Variants in DACH2 observed in about 807,000 individuals in gnomAD.
DACH2 encodes the protein dachshund family transcription factor 2.
DACH2 carries 17 observed loss-of-function variants against 35.8 expected under a neutral mutation model. That is an observed-to-expected ratio of 0.48 (90% CI 0.33 to 0.71). DACH2 has a LOEUF of 0.71. Among genes scored for constraint, DACH2 ranks in the 30% least tolerant of loss-of-function variants. The probability of loss-of-function intolerance (pLI) is 0.02; values close to 1 mark genes in which losing one functional copy is unlikely to be tolerated. For missense variants in DACH2, 469 were observed against 472.7 expected, an observed-to-expected ratio of 0.99 and a Z score of 0.07; for synonymous variants, 195 against 177.3, an observed-to-expected ratio of 1.10 and a Z score of -0.79.
intron 1 of DACH2, among the ~76,000 whole-genome samples, chrX:86,251,432 C>A (rs867954493): frequency 1.8e-5 from 2 of 110,248 alleles, no homozygotes; most frequent in African/African-American, 3.3e-5. Flanking sequence ...TTTTGGTGCA[C>A]CCATCACCCA....
At chrX:86,411,860 G>GT (rs905793786) in intron 2 of DACH2, among the ~76,000 whole-genome samples, 4 of 110,405 alleles carry the variant, frequency 3.6e-5, no homozygotes, top group South Asian at 3.9e-4. Flanking sequence ...AGCAGGTTGT[G>GT]TTTTTTTTCC....
intron 7 of DACH2, among the ~76,000 whole-genome samples, chrX:86,755,615 T>G (rs1486202998): frequency 3.4e-5 from 3 of 86,989 alleles, no homozygotes; most frequent in Non-Finnish European, 4.8e-5. Context: ...TTTTTTTTTT[T>G]GATACAGAGT....
intron 2 of DACH2, among the ~76,000 whole-genome samples, chrX:86,422,509 G>C (rs773812123): frequency 2.7e-5 from 3 of 110,089 alleles, no homozygotes; most frequent in Admixed American, 9.7e-5. Flanking sequence ...TAGTATGAAT[G>C]GTTTTTCAAG....
At chrX:86,671,632 C>G (rs1173480523) in intron 4 of DACH2, among the ~76,000 whole-genome samples, 1 of 111,667 alleles carries the variant, frequency 9.0e-6, no homozygotes, top group Non-Finnish European at 1.9e-5. Flanking sequence ...TTCCTGAGAC[C>G]TCCACACCCA....
chrX:86,287,568 C>T (rs1482775369), intron 1 of DACH2, among the ~76,000 whole-genome samples: 2 of 111,018 alleles, frequency 1.8e-5, no homozygotes, highest in South Asian at 3.8e-4. Flanking sequence ...AGGTGTGCTT[C>T]GTTGTTTTTG....
intron 2 of DACH2, among the ~76,000 whole-genome samples, chrX:86,498,970 T>G (rs1291956431): frequency 8.9e-6 from 1 of 112,276 alleles, no homozygotes; most frequent in Non-Finnish European, 1.9e-5. Context: ...ACTTAGCTGC[T>G]TTGTATTTCT....
chrX:86,774,889 A>G (rs1018001525), intron 7 of DACH2, among the ~76,000 whole-genome samples: 48 of 111,939 alleles, frequency 4.3e-4, no homozygotes, highest in Non-Finnish European at 2.1e-4. Flanking sequence ...TGGACCTTTC[A>G]GAAATCAATC....
chrX:86,676,862 T>C (rs2040830894), intron 4 of DACH2, among the ~76,000 whole-genome samples: 1 of 111,399 alleles, frequency 9.0e-6, no homozygotes, highest in Non-Finnish European at 1.9e-5. Context: ...TTCCTTTTCA[T>C]AGAGTGGGCA....
At chrX:86,392,588 G>T (rs1179064221) in intron 2 of DACH2, among the ~76,000 whole-genome samples, 1 of 111,593 alleles carries the variant, frequency 9.0e-6, no homozygotes, top group Non-Finnish European at 1.9e-5. Context: ...TGTTACTCTA[G>T]ATTTTAAGAG....
chrX:86,314,486 C>T (rs2034859804), intron 1 of DACH2, among the ~76,000 whole-genome samples: 1 of 110,730 alleles, frequency 9.0e-6, no homozygotes, highest in Admixed American at 9.7e-5. Context: ...CCACTGCACT[C>T]CAACCTGGGT....
At chrX:86,781,005 G>T (rs5968994) in intron 7 of DACH2, among the ~76,000 whole-genome samples, 22,295 of 110,379 alleles carry the variant, frequency 0.2, 1,757 homozygotes, top group East Asian at 0.46. Flanking sequence ...TGGCAAGAAA[G>T]GTTCATCAGA....
In DACH2 at chrX:86,227,713, T is replaced by C. The variant is rs1048758186; in HGVS notation, c.488+78605T>C. On this transcript the variant is annotated intron_variant, in intron 1 of 11. Coordinates refer to ENST00000373125, the MANE Select transcript of DACH2 (RefSeq NM_053281.3). ...CTTTTCCCTTCTATTTCCTGTCCTATGCTATTCTTCTTTTAAAAAAAATGC... is the reference window on the plus strand; with the variant it reads ...CTTTTCCCTTCTATTTCCTGTCCTACGCTATTCTTCTTTTAAAAAAAATGC... Among the ~76,000 whole-genome samples the C allele has an allele frequency of 2.7e-5, 3 of 109,347 alleles. No individual in the cohort carries two copies. In the South Asian group the frequency reaches 1.2e-3, roughly 43 times the overall value. The allele number at this position is 109,347 out of a possible 115,157, so 95.0% of individuals were successfully genotyped here. A position where few individuals can be genotyped will look rare whatever the true frequency, so the allele number is the denominator to read the frequency against.
At chrX:86,690,223 AT>A (rs1178947627) in intron 4 of DACH2, among the ~76,000 whole-genome samples, 1 of 111,657 alleles carries the variant, frequency 9.0e-6, no homozygotes, top group Non-Finnish European at 1.9e-5. Flanking sequence ...CATTTGAAAC[AT>A]TTTGGTGTTT....
Position 86,662,829 on chromosome X carries a change from A to G in DACH2, c.772+11662A>G, listed in dbSNP as rs2040621848. On this transcript the variant is annotated intron_variant, in intron 4 of 11. Transcript: ENST00000373125. Reference sequence around the variant, plus strand: ...GAATTATGCCTAAATCTTAAACCTTACAACAGTTAAATAAGACCCCTTTCA... The same window carrying G: ...GAATTATGCCTAAATCTTAAACCTTGCAACAGTTAAATAAGACCCCTTTCA... 6.3e-5 allele frequency among the ~76,000 whole-genome samples: 7 copies of G among 111,436 alleles called. No individual in the cohort carries two copies. In the Admixed American group the frequency reaches 6.7e-4, roughly 11 times the overall value.
rs747246057 is a variant in DACH2 at position 86,738,269 on chromosome X, A to G, written c.1105-1478A>G. ...AGGTGGCATCACTGTGCCCGCTGCA[A>G]TGCCAGACATTGGATAATGTTAACT... On this transcript the variant is annotated intron_variant, in intron 6 of 11. Coordinates refer to ENST00000373125, the MANE Select transcript of DACH2 (RefSeq NM_053281.3). Among the ~76,000 whole-genome samples the G allele has an allele frequency of 1.5e-4, 17 of 111,826 alleles. 1 individual carries two copies. In the South Asian group the frequency reaches 5.6e-3, roughly 37 times the overall value.
At chrX:86,285,292 A>C (rs912271938) in intron 1 of DACH2, among the ~76,000 whole-genome samples, 4 of 111,390 alleles carry the variant, frequency 3.6e-5, no homozygotes, top group African/African-American at 1.3e-4. Flanking sequence ...GTTTTACTTC[A>C]TTTTTGATGT....
At chrX:86,441,578 A>G (rs2037163210) in intron 2 of DACH2, among the ~76,000 whole-genome samples, 1 of 105,358 alleles carries the variant, frequency 9.5e-6, no homozygotes, top group South Asian at 4.2e-4. Flanking sequence ...CCATGTCTTG[A>G]CTATTGTGAA....
intron 1 of DACH2, among the ~76,000 whole-genome samples, chrX:86,362,455 A>T (rs1359869627): frequency 9.0e-6 from 1 of 111,715 alleles, no homozygotes; most frequent in Non-Finnish European, 1.9e-5. Context: ...CATTGAAAGA[A>T]ATCAAAACAA....
chrX:86,546,503 CTTTTTTT>C (rs35560036), intron 3 of DACH2, among the ~76,000 whole-genome samples: 1 of 69,812 alleles, frequency 1.4e-5, no homozygotes, highest in Non-Finnish European at 2.6e-5. Context: ...CTTCTTCTTT[CTTTTTTT>C]TTTTTTTTTT....
Sources: gnomAD v4.1 joint callset for allele counts (sites outside exome capture counted in the v4.1 genomes callset) on GRCh38, gnomAD v4.1.1 for gene constraint, MANE v1.5 for transcripts, NCBI Gene and HGNC (gene_info 2026-07-23, HGNC 2026-07-21) for gene names.